CCBE1: variants seen among roughly 807,000 people sequenced by gnomAD.
CCBE1 encodes collagen and calcium binding EGF domains 1.
In CCBE1, 37 loss-of-function variants were observed where a neutral mutation model predicts 50.0. That is an observed-to-expected ratio of 0.74 (90% confidence interval 0.57 to 0.97). The LOEUF is 0.97. CCBE1 is among the 50% of genes least tolerant of loss of function. The probability of loss-of-function intolerance (pLI) is 0.00; values close to 1 mark genes in which losing one functional copy is unlikely to be tolerated. For synonymous variants in CCBE1, 234 were observed against 203.7 expected (o/e 1.15, Z -1.27); for missense variants, 538 against 523.8 (o/e 1.03, Z -0.26).
At chr18:59,581,748 A>G (rs1016754961) in intron 2 of CCBE1, among the ~76,000 whole-genome samples, 4 of 152,214 alleles carry the variant, frequency 2.6e-5, no homozygotes, top group African/African-American at 9.6e-5. Context: ...TGTTCTAAGC[A>G]CTGTAGGATG....
chr18:59,557,015 C>G (rs1017023056), intron 2 of CCBE1, among the ~76,000 whole-genome samples: 6 of 152,198 alleles, frequency 3.9e-5, no homozygotes, highest in Non-Finnish European at 8.8e-5. Context: ...CAGCAGCAAC[C>G]TGGTTTGCAC....
At chr18:59,511,925 G>A (rs965438487) in intron 2 of CCBE1, among the ~76,000 whole-genome samples, 11 of 152,192 alleles carry the variant, frequency 7.2e-5, no homozygotes, top group South Asian at 2.1e-4. Flanking sequence ...TTCATGAGAC[G>A]GAGAAAATGA....
intron 5 of CCBE1, among the ~76,000 whole-genome samples, chr18:59,456,513 G>C (rs1453203284): frequency 1.3e-5 from 2 of 152,142 alleles, no homozygotes; most frequent in Non-Finnish European, 2.9e-5. Flanking sequence ...ACCAAAAATT[G>C]CCCGCTGATG....
chr18:59,447,708 G>T (rs1056634565), intron 7 of CCBE1, among the ~76,000 whole-genome samples: 15 of 152,038 alleles, frequency 9.9e-5, no homozygotes, highest in African/African-American at 3.6e-4. Context: ...GTTTTCATTT[G>T]GTTTTTTTAA....
At chr18:59,467,034 G>A (rs574613743) in intron 4 of CCBE1, 143 bp from the exon 5 acceptor site, 4 of 727,220 alleles carry the variant, frequency 5.5e-6, no homozygotes, top group South Asian at 4.8e-5. Flanking sequence ...GAATAAAGTA[G>A]GGAGCTAGAA....
intron 2 of CCBE1, among the ~76,000 whole-genome samples, chr18:59,627,110 T>C (rs567903411): frequency 6.6e-6 from 1 of 152,336 alleles, no homozygotes; most frequent in East Asian, 1.9e-4. Context: ...CAATCCATCA[T>C]TCATCAGTTC....
intron 2 of CCBE1, among the ~76,000 whole-genome samples, chr18:59,593,354 G>A (rs942860588): frequency 3.3e-5 from 5 of 152,186 alleles, no homozygotes; most frequent in South Asian, 2.1e-4. Context: ...ATTAGATGAT[G>A]TGTGATCAGA....
intron 2 of CCBE1, among the ~76,000 whole-genome samples, chr18:59,596,395 G>A (rs1193383641): frequency 1.3e-5 from 2 of 152,008 alleles, no homozygotes; most frequent in African/African-American, 2.4e-5. Flanking sequence ...AGGTGTCACG[G>A]GACTGTAAAT....
At chr18:59,604,056 G>A (rs1315671780) in intron 2 of CCBE1, among the ~76,000 whole-genome samples, 1 of 152,202 alleles carries the variant, frequency 6.6e-6, no homozygotes, top group Admixed American at 6.5e-5. Context: ...GGTATCTGTT[G>A]TTTCTCTCTG....
chr18:59,656,784 T>G (rs2054196284), intron 2 of CCBE1, among the ~76,000 whole-genome samples: 1 of 152,230 alleles, frequency 6.6e-6, no homozygotes, highest in African/African-American at 2.4e-5. Flanking sequence ...CTTCTCAGTA[T>G]TATCTTACAC....
intron 2 of CCBE1, among the ~76,000 whole-genome samples, chr18:59,616,998 T>G (rs547952926): frequency 8.5e-5 from 13 of 152,290 alleles, no homozygotes; most frequent in Admixed American, 5.2e-4. Context: ...GCCTTTGCCA[T>G]ACGAATCTAG....
At chr18:59,519,175 G>A (rs1914497010) in intron 2 of CCBE1, among the ~76,000 whole-genome samples, 1 of 152,204 alleles carries the variant, frequency 6.6e-6, no homozygotes, top group African/African-American at 2.4e-5. Context: ...GCCAGTGGCA[G>A]ACAAAATGGG....
rs1555680742 is a variant in CCBE1 at position 59,468,851 on chromosome 18, T to TTC, written c.400+621_400+622insGA. Among the ~76,000 whole-genome samples the TTC allele has an allele frequency of 2.4e-3, 360 of 149,404 alleles. 2 individuals carry two copies. Among genetic ancestry groups the TTC allele is most frequent in the South Asian group, 4.1e-3 (19 of 4,652 alleles). On this transcript the variant is annotated intron_variant, in intron 4 of 10. Coordinates refer to ENST00000439986, the MANE Select transcript of CCBE1 (RefSeq NM_133459.4). ...GAAAAGGCCAGGTTTTTTTTTTTTT[T>TTC]CCCCAAACGAGGACCCCAGATGTTT...
At chr18:59,570,486 G>C (rs2052894274) in intron 2 of CCBE1, among the ~76,000 whole-genome samples, 1 of 152,226 alleles carries the variant, frequency 6.6e-6, no homozygotes, top group Non-Finnish European at 1.5e-5. Flanking sequence ...TCTGCTGGCT[G>C]TAACACTTCT....
chr18:59,498,357 C>A lies in CCBE1; in HGVS notation c.213-18119G>T, dbSNP rs377198026. On this transcript the variant is annotated intron_variant, in intron 2 of 10. Transcript: ENST00000439986. ...TTGATTTGGGTGTTAATCAGAGTTT[C>A]CGTGAGTGTGTTTTATCAAAAGCTC... Among the ~76,000 whole-genome samples, 6 of 152,226 alleles carry A rather than the reference C, an allele frequency of 3.9e-5. No homozygotes were observed. In the East Asian group the frequency reaches 9.6e-4, roughly 24 times the overall value.
In CCBE1 at chr18:59,643,684, G is replaced by C. The variant is rs556105187; in HGVS notation, c.212+52945C>G. 3.2e-4 allele frequency among the ~76,000 whole-genome samples: 48 copies of C among 152,234 alleles called. 1 individual carries two copies. The South Asian group carries it at 9.8e-3, about 31-fold the overall frequency. On this transcript the variant is annotated intron_variant, in intron 2 of 10. Transcript: ENST00000439986. ...AAAATACAAAAAATTAGCCAAGTGT[G>C]GGGGCGCACACCTGTAATCCCAGCT...
intron 2 of CCBE1, among the ~76,000 whole-genome samples, chr18:59,512,204 C>T (rs113680192): frequency 6.6e-6 from 1 of 152,264 alleles, no homozygotes; most frequent in African/African-American, 2.4e-5. Context: ...GGGTGTGGTC[C>T]CTGGCTAGGG....
chr18:59,443,388 T>G (rs1308525108), intron 7 of CCBE1, among the ~76,000 whole-genome samples: 1 of 151,806 alleles, frequency 6.6e-6, no homozygotes, highest in East Asian at 1.9e-4. Flanking sequence ...GAACATCAGC[T>G]GGGGGGATGA....
intron 2 of CCBE1, among the ~76,000 whole-genome samples, chr18:59,628,598 T>G (rs1427464542): frequency 6.6e-6 from 1 of 152,168 alleles, no homozygotes; most frequent in Non-Finnish European, 1.5e-5. Context: ...ATGGGAGTCA[T>G]AAGATATGAC....
Sources: gnomAD v4.1 joint callset for allele counts (sites outside exome capture counted in the v4.1 genomes callset) on GRCh38, gnomAD v4.1.1 for gene constraint, MANE v1.5 for transcripts, NCBI Gene and HGNC (gene_info 2026-07-23, HGNC 2026-07-21) for gene names.